Variants in PHF21A observed in about 807,000 individuals in gnomAD.
The protein encoded by PHF21A is BHC80a.
In PHF21A, 11 loss-of-function variants were observed where a neutral mutation model predicts 82.5. The observed-to-expected ratio is 0.13, with a 90% confidence interval of 0.08 to 0.22. PHF21A has a LOEUF of 0.22. Among genes scored for constraint, PHF21A ranks in the 10% least tolerant of loss-of-function variants. The probability of loss-of-function intolerance (pLI) is 1.00; values close to 1 mark genes in which losing one functional copy is unlikely to be tolerated. For synonymous variants in PHF21A, 297 were observed against 302.8 expected (o/e 0.98, Z 0.20); for missense variants, 579 against 837.8 (o/e 0.69, Z 3.81).
chr11:45,946,196 CTA>C, intron 14 of PHF21A, 193 bp from the exon 15 acceptor site: 1 of 1,216,720 alleles, frequency 8.2e-7, no homozygotes, highest in Non-Finnish European at 1.2e-6. Flanking sequence ...TTAGAAACAA[CTA>C]TATGACTCTC....
rs748967157 is a variant in PHF21A, at chr11:45,975,377, T to TAAAATAAAATAAAATAAAACAAAAC, written c.361-4011_361-4010insGTTTTGTTTTATTTTATTTTATTTT. Among the ~76,000 whole-genome samples the TAAAATAAAATAAAATAAAACAAAAC allele has an allele frequency of 2.6e-3, 334 of 130,514 alleles. 2 individuals carry two copies. Among genetic ancestry groups the TAAAATAAAATAAAATAAAACAAAAC allele is most frequent in the African/African-American group, 8.9e-3 (319 of 35,986 alleles). 85.6% of individuals were successfully genotyped at this position (130,514 alleles called of 152,430 possible). ...TAAAATAAAATAAAATAAAATAAAA[T>TAAAATAAAATAAAATAAAACAAAAC]AAAACAAAACAAAATAAAATAAAAC... is the stretch of plus-strand genomic sequence containing the variant. On this transcript the variant is annotated intron_variant, in intron 7 of 18. Coordinates refer to ENST00000676320, the MANE Select transcript of PHF21A (RefSeq NM_001352027.3).
At chr11:45,971,392 T>G in intron 7 of PHF21A, 25 bp from the exon 8 acceptor site, 1 of 1,597,334 alleles carries the variant, frequency 6.3e-7, no homozygotes, top group Non-Finnish European at 8.6e-7. Context: ...AAACAGATAT[T>G]AGGACACTAA....
At chr11:45,995,147 A>C (rs773255017) in intron 6 of PHF21A, among the ~76,000 whole-genome samples, 6 of 152,208 alleles carry the variant, frequency 3.9e-5, no homozygotes, top group Non-Finnish European at 8.8e-5. Context: ...GTTGGCTGCT[A>C]AGGCAAGTGT....
chr11:45,952,349 C>T (rs982043354), intron 11 of PHF21A, among the ~76,000 whole-genome samples: 12 of 152,204 alleles, frequency 7.9e-5, no homozygotes, highest in Non-Finnish European at 1.6e-4. Flanking sequence ...TCAAGTGATC[C>T]TCCCACCTCA....
intron 15 of PHF21A, among the ~76,000 whole-genome samples, chr11:45,941,746 C>T (rs533264109): frequency 1.3e-4 from 20 of 152,262 alleles, no homozygotes; most frequent in Middle Eastern, 3.4e-3. Context: ...ATAAACCAGA[C>T]GGTAGGTAAG....
At chr11:46,093,639 A>G (rs148136397) in intron 1 of PHF21A, among the ~76,000 whole-genome samples, 88 of 152,308 alleles carry the variant, frequency 5.8e-4, no homozygotes, top group African/African-American at 2.0e-3. Flanking sequence ...AACACTACTG[A>G]TATCTACAGG....
chr11:46,043,973 T>C (rs1234369092), intron 6 of PHF21A, among the ~76,000 whole-genome samples: 1 of 152,198 alleles, frequency 6.6e-6, no homozygotes, highest in African/African-American at 2.4e-5. Context: ...ATTTAATTTG[T>C]AGTAAATCAA....
Position 45,971,247 on chromosome 11 carries a change from C to T in PHF21A, c.481G>A (p.Ala161Thr), listed in dbSNP as rs1372255160. 18 of 1,614,006 alleles carry T rather than the reference C, an allele frequency of 1.1e-5. No homozygotes were observed. The highest frequency in any genetic ancestry group is 1.6e-4 in the Middle Eastern group (1 of 6,078). ...GQRPTIAMVT[A>T]INSQKAVLST... Reference sequence around the variant, plus strand: ...AGCACAGCCTTCTGACTGTTGATGGCGGTCACCATAGCAATGGTAGGTCTC... The same window carrying T: ...AGCACAGCCTTCTGACTGTTGATGGTGGTCACCATAGCAATGGTAGGTCTC... The change falls in exon 8 of 19, where the codon GCC becomes ACC. Residue 161 changes from alanine to threonine, a missense_variant. Around this residue, in one of 3 missense-constraint regions of PHF21A, gnomAD observed 410 missense variants for 642.1 expected, o/e 0.64. Transcript: ENST00000676320.
At chr11:46,000,095 T>G (rs1430774678) in intron 6 of PHF21A, among the ~76,000 whole-genome samples, 1 of 152,208 alleles carries the variant, frequency 6.6e-6, no homozygotes, top group Non-Finnish European at 1.5e-5. Flanking sequence ...CCCTTTTAAC[T>G]GCTTGATAGG....
chr11:45,960,184 C>A (rs982542423), intron 10 of PHF21A, among the ~76,000 whole-genome samples: 3 of 151,980 alleles, frequency 2.0e-5, no homozygotes, highest in African/African-American at 4.8e-5. Flanking sequence ...TAGGTATATA[C>A]CCTAAAGAAC....
chr11:45,957,073 C>A (rs2092694738), intron 10 of PHF21A, among the ~76,000 whole-genome samples: 1 of 152,004 alleles, frequency 6.6e-6, no homozygotes, highest in Admixed American at 6.6e-5. Context: ...AGGGTCGATT[C>A]AAAAAGATGA....
intron 6 of PHF21A, 91 bp downstream of exon 6, chr11:46,076,663 G>C: frequency 2.1e-6 from 2 of 972,688 alleles, no homozygotes; most frequent in Non-Finnish European, 3.1e-6. Flanking sequence ...TTTCACACAT[G>C]AGGAAAAATA....
intron 6 of PHF21A, among the ~76,000 whole-genome samples, chr11:46,001,683 T>C (rs1425018094): frequency 1.3e-5 from 2 of 152,220 alleles, no homozygotes; most frequent in Admixed American, 1.3e-4. Flanking sequence ...AGAAAGGCTG[T>C]GTGCATCAGA....
intron 6 of PHF21A, among the ~76,000 whole-genome samples, chr11:46,006,070 CAA>C (rs970334735): frequency 6.6e-5 from 10 of 152,168 alleles, no homozygotes; most frequent in African/African-American, 1.4e-4. Context: ...CAAATTCAGA[CAA>C]GAGAGAATTA....
rs531756268 is a variant in PHF21A at position 46,091,073 on chromosome 11, G to C, written c.-195-507C>G. On this transcript the variant is annotated intron_variant, in intron 2 of 18. Coordinates refer to ENST00000676320, the MANE Select transcript of PHF21A (RefSeq NM_001352027.3). The stretch of plus-strand genomic sequence containing the variant: ...TAGAATAAAAAGGTAGTAAATGCAA[G>C]GATTAACTAGTTCAAGTGCCTCCAT... Among the ~76,000 whole-genome samples, 22 of 152,196 alleles carry C rather than the reference G, an allele frequency of 1.4e-4. 1 individual carries two copies. In the South Asian group the frequency reaches 3.9e-3, roughly 27 times the overall value.
intron 11 of PHF21A, among the ~76,000 whole-genome samples, chr11:45,952,318 T>C (rs1046720125): frequency 1.3e-5 from 2 of 152,160 alleles, no homozygotes; most frequent in Admixed American, 1.3e-4. Context: ...CTCAGCTCGC[T>C]GCAGCCTAGA....
At chr11:45,957,274 C>T (rs2092706595) in intron 10 of PHF21A, among the ~76,000 whole-genome samples, 1 of 152,136 alleles carries the variant, frequency 6.6e-6, no homozygotes, top group South Asian at 2.1e-4. Context: ...CAACACTATA[C>T]ACCAATTAGA....
At chr11:46,070,358 TCTCA>T (rs995813244) in intron 6 of PHF21A, among the ~76,000 whole-genome samples, 2 of 151,230 alleles carry the variant, frequency 1.3e-5, no homozygotes, top group Non-Finnish European at 2.9e-5. Flanking sequence ...TTGAGACGAG[TCTCA>T]CTGTGTTGCC....
Position 46,073,879 on chromosome 11 carries a change from T to C in PHF21A, c.153+2875A>G, listed in dbSNP as rs558658799. Among the ~76,000 whole-genome samples, 16 of 152,320 alleles carry C rather than the reference T, an allele frequency of 1.1e-4. No homozygotes were observed. The South Asian group carries it at 3.3e-3, about 32-fold the overall frequency. Reference sequence around the variant, plus strand: ...ACTTTGAAATCTGCCAGAGTTTCTTTCAGAAATCTCAAGTTACACTTTAAA... The same window carrying C: ...ACTTTGAAATCTGCCAGAGTTTCTTCCAGAAATCTCAAGTTACACTTTAAA... On this transcript the variant is annotated intron_variant, in intron 6 of 18. Coordinates refer to ENST00000676320, the MANE Select transcript of PHF21A (RefSeq NM_001352027.3).
Sources: gnomAD v4.1 joint callset for allele counts (sites outside exome capture counted in the v4.1 genomes callset) on GRCh38, gnomAD v4.1.1 for gene constraint, gnomAD v4.1.1 regional missense constraint, MANE v1.5 for transcripts, NCBI Gene and HGNC (gene_info 2026-07-23, HGNC 2026-07-21) for gene names.